USP34: variants seen among roughly 807,000 people sequenced by gnomAD.
USP34 encodes the protein ubiquitin specific peptidase 34, also known as ubiquitin carboxyl-terminal hydrolase 34.
USP34 carries 70 observed loss-of-function variants against 460.3 expected under a neutral mutation model. The observed-to-expected ratio is 0.15, with a 90% CI of 0.13 to 0.19. The LOEUF is 0.19. Ranked by LOEUF, USP34 falls within the 10% of genes least tolerant of loss-of-function variation. USP34 has a pLI of 1.00. For synonymous variants in USP34, 1,647 were observed against 1,405.3 expected, an observed-to-expected ratio of 1.17 and a Z score of -3.85; for missense variants, 3,985 against 4,236.2, an observed-to-expected ratio of 0.94 and a Z score of 1.65.
chr2:61,214,264 GGTT>G lies in USP34; in HGVS notation c.8475_8477del (p.Thr2826del). 6.2e-7 allele frequency: 1 copy of G among 1,614,176 alleles called. No individual in the cohort carries two copies. Among genetic ancestry groups the G allele is most frequent in the Non-Finnish European group, 8.5e-7 (1 of 1,180,038 alleles). On this transcript the variant is annotated inframe_deletion, in exon 68 of 80. Transcript: ENST00000398571. Reference sequence around the variant, plus strand: ...GGATGTAATTGAAGGCAATGTTCTTGGTTACCACTGGGTTCTGAACAATAAGGC... The same window carrying G: ...GGATGTAATTGAAGGCAATGTTCTTGACCACTGGGTTCTGAACAATAAGGC...
chr2:61,265,221 G>A (rs781007697), intron 43 of USP34, 176 bp downstream of exon 43: 8 of 674,108 alleles, frequency 1.2e-5, no homozygotes, highest in Non-Finnish European at 1.9e-5. Flanking sequence ...AGCATTATGA[G>A]TAATCTACTA....
chr2:61,322,353 C>T (rs1690951569), intron 21 of USP34, among the ~76,000 whole-genome samples: 1 of 152,110 alleles, frequency 6.6e-6, no homozygotes, highest in Admixed American at 6.5e-5. Flanking sequence ...GGGAGTCAGG[C>T]TAATGAGAGA....
chr2:61,447,280 A>AC (rs1695148630), intron 1 of USP34, among the ~76,000 whole-genome samples: 1 of 147,822 alleles, frequency 6.8e-6, no homozygotes, highest in Non-Finnish European at 1.5e-5. Flanking sequence ...AAAAAAAAAA[A>AC]AACCAGAAAA....
chr2:61,345,013 C>T (rs928355269), intron 15 of USP34, among the ~76,000 whole-genome samples: 5 of 152,170 alleles, frequency 3.3e-5, no homozygotes, highest in African/African-American at 9.6e-5. Context: ...TGGCTCACAC[C>T]TGTAATCCCA....
chr2:61,442,036 C>G (rs1425230709), intron 1 of USP34, among the ~76,000 whole-genome samples: 1 of 152,064 alleles, frequency 6.6e-6, no homozygotes, highest in African/African-American at 2.4e-5. Context: ...AGGACAGTCT[C>G]TCCAATGAAT....
At chr2:61,448,459 C>CG (rs1012849668) in intron 1 of USP34, among the ~76,000 whole-genome samples, 7 of 151,988 alleles carry the variant, frequency 4.6e-5, no homozygotes, top group Middle Eastern at 3.4e-3. Context: ...GTCTCAAGGA[C>CG]GGGGAAAAAA....
intron 53 of USP34, among the ~76,000 whole-genome samples, chr2:61,237,281 T>C (rs1688095696): frequency 6.6e-6 from 1 of 152,096 alleles, no homozygotes; most frequent in Non-Finnish European, 1.5e-5. Flanking sequence ...TCTCATTCAG[T>C]ACTGTTTATA....
At chr2:61,343,714 T>C in intron 16 of USP34, 101 bp downstream of exon 16, 2 of 1,260,690 alleles carry the variant, frequency 1.6e-6, no homozygotes, top group South Asian at 2.9e-5. Context: ...ACAAAAACAT[T>C]TAAGTACCAT....
rs146310439 is a variant in USP34, at chr2:61,257,744, T to C, written c.5845-394A>G. Reference sequence around the variant, plus strand: ...CAACATGGTAAAACCCCATCTCTGCTAAAAATACAAAAACTAGCTGGGTGC... The same window carrying C: ...CAACATGGTAAAACCCCATCTCTGCCAAAAATACAAAAACTAGCTGGGTGC... On this transcript the variant is annotated intron_variant, in intron 44 of 79. Coordinates refer to ENST00000398571, the MANE Select transcript of USP34 (RefSeq NM_014709.4). 3.6e-3 allele frequency among the ~76,000 whole-genome samples: 545 copies of C among 152,062 alleles called. 2 individuals are homozygous for C. Among genetic ancestry groups the C allele is most frequent in the African/African-American group, 0.011 (452 of 41,472 alleles).
intron 75 of USP34, chr2:61,193,365 T>TAAAGAAAAA (rs1686696132): frequency 1.0e-5 from 1 of 97,234 alleles, no homozygotes; most frequent in African/African-American, 3.8e-5. Flanking sequence ...AGGGGAAAGG[T>TAAAGAAAAA]AAAAAAAAAA....
intron 49 of USP34, among the ~76,000 whole-genome samples, chr2:61,248,039 T>C (rs1257153952): frequency 6.6e-6 from 1 of 151,976 alleles, no homozygotes; most frequent in Admixed American, 6.6e-5. Flanking sequence ...ATACAAAAAT[T>C]AGCTGGGCCT....
intron 29 of USP34, among the ~76,000 whole-genome samples, chr2:61,298,217 A>G (rs1690094640): frequency 1.3e-5 from 2 of 151,732 alleles, no homozygotes; most frequent in Non-Finnish European, 2.9e-5. Context: ...CCTGCCAAAA[A>G]TAAGATTCAA....
chr2:61,413,513 C>A (rs1480098609), intron 2 of USP34, among the ~76,000 whole-genome samples: 1 of 140,572 alleles, frequency 7.1e-6, no homozygotes, highest in Non-Finnish European at 1.5e-5. Context: ...TCGAGACCAG[C>A]CTGGGCAACA....
chr2:61,406,229 CTTG>C (rs1693866147), intron 2 of USP34, 101 bp from the exon 3 acceptor site: 1 of 1,098,342 alleles, frequency 9.1e-7, no homozygotes, highest in Non-Finnish European at 1.2e-6. Flanking sequence ...TATTTCTAGA[CTTG>C]TTTTTATTTT....
intron 22 of USP34, 81 bp from the exon 23 acceptor site, chr2:61,317,848 GAA>G: frequency 1.0e-6 from 1 of 979,810 alleles, no homozygotes; most frequent in Non-Finnish European, 1.5e-6. Context: ...AAACTTTACT[GAA>G]AACACTGTAG....
intron 43 of USP34, among the ~76,000 whole-genome samples, chr2:61,261,045 G>A (rs983864283): frequency 6.6e-6 from 1 of 152,192 alleles, no homozygotes; most frequent in Non-Finnish European, 1.5e-5. Flanking sequence ...AGGACGTCGA[G>A]AAATTAAACC....
chr2:61,283,888 G>A (rs1458426971), intron 35 of USP34, among the ~76,000 whole-genome samples: 1 of 139,112 alleles, frequency 7.2e-6, no homozygotes, highest in Non-Finnish European at 1.5e-5. Flanking sequence ...ACTCATTGAA[G>A]AAGAGAGTAG....
chr2:61,268,658 A>G (rs746360234), intron 41 of USP34, among the ~76,000 whole-genome samples: 2 of 152,052 alleles, frequency 1.3e-5, no homozygotes, highest in Non-Finnish European at 2.9e-5. Context: ...TTTTTGACTT[A>G]TAATTCAGAA....
chr2:61,330,844 C>T (rs981233324), intron 20 of USP34, among the ~76,000 whole-genome samples: 4 of 152,160 alleles, frequency 2.6e-5, no homozygotes, highest in African/African-American at 7.2e-5. Flanking sequence ...ACCTTCCACA[C>T]GTCCTAAACT....
Sources: allele counts gnomAD v4.1 joint callset (sites outside exome capture counted in the v4.1 genomes callset), GRCh38; gene constraint gnomAD v4.1.1; transcripts MANE v1.5; gene names NCBI Gene and HGNC (gene_info 2026-07-23, HGNC 2026-07-21).